Variants in HCN1 observed in about 807,000 individuals in gnomAD.
The protein encoded by HCN1 is potassium/sodium hyperpolarization-activated cyclic nucleotide-gated channel 1.
HCN1 carries 13 observed loss-of-function variants against 78.9 expected under a neutral mutation model. The ratio of observed to expected loss-of-function variants is 0.16; its 90% CI spans 0.11 to 0.26. HCN1 has a LOEUF of 0.26. Among genes scored for constraint, HCN1 ranks in the 10% least tolerant of loss-of-function variants. The pLI, the probability that HCN1 is intolerant of heterozygous loss-of-function variation, is 1.00. For synonymous variants in HCN1, 552 were observed against 455.5 expected, an observed-to-expected ratio of 1.21 and a Z score of -2.70; for missense variants, 810 against 1,154.3, an observed-to-expected ratio of 0.70 and a Z score of 4.32.
At chr5:45,575,176 C>G (rs1743914286) in intron 2 of HCN1, 1 of 152,096 alleles carries the variant, frequency 6.6e-6, no homozygotes, top group Non-Finnish European at 1.5e-5. Context: ...AATTTAATAG[C>G]TAAAGATGAA....
At chr5:45,279,751 A>G (rs1745124431) in intron 6 of HCN1, among the ~76,000 whole-genome samples, 1 of 152,250 alleles carries the variant, frequency 6.6e-6, no homozygotes, top group African/African-American at 2.4e-5. Flanking sequence ...ATTATTTCAA[A>G]GATAAAATTT....
intron 2 of HCN1, among the ~76,000 whole-genome samples, chr5:45,632,583 GTAT>G (rs989357508): frequency 1.8e-4 from 27 of 151,896 alleles, no homozygotes; most frequent in African/African-American, 6.5e-4. Flanking sequence ...TAGAAAATAG[GTAT>G]TATTATCTAA....
chr5:45,417,767 A>C (rs1196389288), intron 3 of HCN1, among the ~76,000 whole-genome samples: 1 of 149,886 alleles, frequency 6.7e-6, no homozygotes, highest in African/African-American at 2.4e-5. Context: ...AAAAAAAAAA[A>C]AAAAAAAAAA....
At chr5:45,445,452 G>T (rs1022119592) in intron 3 of HCN1, among the ~76,000 whole-genome samples, 1 of 152,180 alleles carries the variant, frequency 6.6e-6, no homozygotes, top group Non-Finnish European at 1.5e-5. Context: ...CCACCTCTGG[G>T]GGCAGGGCAC....
At chr5:45,491,325 G>A (rs1473953022) in intron 2 of HCN1, among the ~76,000 whole-genome samples, 1 of 151,858 alleles carries the variant, frequency 6.6e-6, no homozygotes, top group East Asian at 1.9e-4. Context: ...TCCCTTTAAA[G>A]TCTCACAATG....
At position 45,255,865 on chromosome 5, in the gene HCN1, G is replaced by A. The variant is rs570496962; in HGVS notation, c.*6056C>T. The A allele has an allele frequency of 6.7e-6, 1 of 148,662 alleles. No individual in the cohort carries two copies. The highest frequency in any genetic ancestry group is 6.9e-5 in the Admixed American group (1 of 14,494). 9.2% of individuals were successfully genotyped at this position (148,662 alleles called of 1,614,324 possible). ...CATCTGAATATTCTCTGTAGAAAAC[G>A]ATGCAACCTGTTTTTTTGCAAAATT... On this transcript the variant is annotated 3_prime_UTR_variant, in exon 8 of 8. Transcript: ENST00000303230.
At position 45,438,468 on chromosome 5, in the gene HCN1, G is replaced by C. The variant is rs56686441; in HGVS notation, c.1011+23378C>G. 1.6e-3 allele frequency among the ~76,000 whole-genome samples: 240 copies of C among 152,052 alleles called. 3 individuals are homozygous for C. Among genetic ancestry groups the C allele is most frequent in the African/African-American group, 5.7e-3 (237 of 41,488 alleles). On this transcript the variant is annotated intron_variant, in intron 3 of 7. Transcript: ENST00000303230. ...TTAGCGGGCGTGGTGTCAGGTGCCT[G>C]TAGTCCCAGCTACTTGGGGGGCTGA...
rs775226551 is a variant in HCN1 at position 45,695,827 on chromosome 5, C to T, written c.267G>A (p.Arg89=). The stretch of plus-strand genomic sequence containing the variant: ...ACTGCCTCTGCATGAAGCCGTACTG[C>T]CGCCGGGGCCCCTCGGCGTCTTCGA... The part of the protein sequence containing the change: ...GGFEDAEGPR[R]QYGFMQRQFT... Residue 89 remains arginine (R), a synonymous_variant, in exon 1 of 8, where the codon CGG becomes CGA. Transcript: ENST00000303230. The T allele has an allele frequency of 1.5e-5, 24 of 1,605,622 alleles. No homozygotes were observed. Among genetic ancestry groups the T allele is most frequent in the Non-Finnish European group, 2.0e-5 (23 of 1,178,512 alleles).
At chr5:45,659,919 G>A (rs1001882732) in intron 1 of HCN1, among the ~76,000 whole-genome samples, 1 of 144,432 alleles carries the variant, frequency 6.9e-6, no homozygotes, top group Non-Finnish European at 1.5e-5. Flanking sequence ...ATCTAGCAAG[G>A]CAGGCCAACG....
intron 2 of HCN1, among the ~76,000 whole-genome samples, chr5:45,508,160 A>G (rs1333730622): frequency 6.6e-6 from 1 of 152,164 alleles, no homozygotes; most frequent in Non-Finnish European, 1.5e-5. Context: ...AAATATTACT[A>G]ACTCTTAAGG....
At position 45,508,110 on chromosome 5, in the gene HCN1, T is replaced by G. The variant is rs868098093; in HGVS notation, c.850-46103A>C. Among the ~76,000 whole-genome samples the G allele has an allele frequency of 3.3e-5, 5 of 152,238 alleles. No individual in the cohort carries two copies. In the South Asian group the frequency reaches 1.0e-3, roughly 32 times the overall value. On this transcript the variant is annotated intron_variant, in intron 2 of 7. Transcript: ENST00000303230. Reference sequence around the variant, plus strand: ...CAATAAAAATCAATGAATTCTAATCTTAAGCTTAAAAGCCTACTGTGAAAG... The same window carrying G: ...CAATAAAAATCAATGAATTCTAATCGTAAGCTTAAAAGCCTACTGTGAAAG...
chr5:45,441,856 C>T (rs140203492), intron 3 of HCN1, among the ~76,000 whole-genome samples: 1 of 152,218 alleles, frequency 6.6e-6, no homozygotes. Flanking sequence ...TTGAAGAAGA[C>T]AGGAGACATT....
chr5:45,501,428 T>A (rs1742182518), intron 2 of HCN1, among the ~76,000 whole-genome samples: 1 of 151,840 alleles, frequency 6.6e-6, no homozygotes, highest in Non-Finnish European at 1.5e-5. Flanking sequence ...AAATTTCACT[T>A]TTTTTTTGTT....
chr5:45,634,283 CCTG>C (rs1298127907), intron 2 of HCN1, among the ~76,000 whole-genome samples: 2 of 151,900 alleles, frequency 1.3e-5, no homozygotes, highest in African/African-American at 4.8e-5. Context: ...CAACCAACAG[CCTG>C]CTAACATGTT....
rs1739957677 is a variant in HCN1 at position 45,693,860 on chromosome 5, G to A, written c.425+1809C>T. Among the ~76,000 whole-genome samples the A allele has an allele frequency of 6.6e-5, 10 of 152,112 alleles. No individual in the cohort carries two copies. The South Asian group carries it at 2.1e-3, about 32-fold the overall frequency. Reference sequence around the variant, plus strand: ...TATTGAGTGAAATTAAATGTTAAAAGTTCAGCATTTTTGCATGTTAATATT... The same window carrying A: ...TATTGAGTGAAATTAAATGTTAAAAATTCAGCATTTTTGCATGTTAATATT... On this transcript the variant is annotated intron_variant, in intron 1 of 7. Coordinates refer to ENST00000303230, the MANE Select transcript of HCN1 (RefSeq NM_021072.4).
chr5:45,667,545 T>C (rs1311624943), intron 1 of HCN1, among the ~76,000 whole-genome samples: 1 of 152,020 alleles, frequency 6.6e-6, no homozygotes, highest in African/African-American at 2.4e-5. Flanking sequence ...ACTATAGGTT[T>C]GGGAAAATAT....
intron 2 of HCN1, among the ~76,000 whole-genome samples, chr5:45,525,116 C>T (rs900338214): frequency 4.3e-4 from 65 of 152,070 alleles, no homozygotes; most frequent in Non-Finnish European, 5.6e-4. Context: ...TTGAGATAAT[C>T]GTGGTTTTTG....
chr5:45,696,213 C>A lies in HCN1; in HGVS notation c.-120G>T. The A allele has an allele frequency of 2.5e-6, 1 of 407,230 alleles. No homozygotes were observed. Among genetic ancestry groups the A allele is most frequent in the South Asian group, 9.9e-5 (1 of 10,098 alleles). 25.2% of individuals were successfully genotyped at this position (407,230 alleles called of 1,614,324 possible). On this transcript the variant is annotated 5_prime_UTR_variant, in exon 1 of 8. Transcript: ENST00000303230. ...GCTGCCGGCGAGCCCAGCTGCCCGT[C>A]GCGGCGGCGGCGGCGGCGGCGGCGG...
intron 2 of HCN1, among the ~76,000 whole-genome samples, chr5:45,464,566 G>A (rs536931122): frequency 3.9e-5 from 6 of 152,212 alleles, no homozygotes; most frequent in African/African-American, 9.6e-5. Flanking sequence ...AGCAAGTTGG[G>A]TATTTTTACA....
Sources: allele counts gnomAD v4.1 joint callset (sites outside exome capture counted in the v4.1 genomes callset), GRCh38; gene constraint gnomAD v4.1.1; transcripts MANE v1.5; gene names NCBI Gene and HGNC (gene_info 2026-07-23, HGNC 2026-07-21).